KANSL3: variants seen among roughly 807,000 people sequenced by gnomAD.
KANSL3 encodes the protein KAT8 regulatory NSL complex subunit 3.
A neutral mutation model predicts 89.2 loss-of-function variants in KANSL3; 16 were observed. The observed-to-expected ratio is 0.18, with a 90% CI of 0.12 to 0.27. KANSL3 has a LOEUF of 0.27. KANSL3 is among the 10% of genes least tolerant of loss of function. The pLI, the probability that KANSL3 is intolerant of heterozygous loss-of-function variation, is 1.00. For missense variants in KANSL3, 879 were observed against 1,110.6 expected (o/e 0.79, Z 2.96); for synonymous variants, 385 against 419.7 (o/e 0.92, Z 1.01).
chr2:96,611,903 A>ATATATGTGTG (rs376030964), intron 9 of KANSL3, among the ~76,000 whole-genome samples: 2 of 113,328 alleles, frequency 1.8e-5, no homozygotes, highest in East Asian at 2.5e-4. Flanking sequence ...ATATACCCAT[A>ATATATGTGTG]TGTGTGTGTG....
rs1225615252 is a variant in KANSL3 at position 96,631,372 on chromosome 2, A to G, written c.326T>C (p.Phe109Ser). 6.2e-7 allele frequency: 1 copy of G among 1,612,700 alleles called. No individual in the cohort carries two copies. Among genetic ancestry groups the G allele is most frequent in the Non-Finnish European group, 8.5e-7 (1 of 1,179,370 alleles). The change falls in exon 3 of 21, where the codon TTT becomes TCT. Residue 109 changes from phenylalanine (F) to serine (S), a missense_variant. Transcript: ENST00000431828. ...AGGGGCATCTGCATCAGTCCTGGCA[A>G]AGATGACATGCCGTTCACACTCATT... is the stretch of plus-strand genomic sequence containing the variant. The part of the protein sequence containing the change: ...VMNECERHVI[F>S]ARTDADAPPP...
At chr2:96,620,186 A>G (rs2070989588) in intron 3 of KANSL3, among the ~76,000 whole-genome samples, 1 of 152,242 alleles carries the variant, frequency 6.6e-6, no homozygotes, top group South Asian at 2.1e-4. Context: ...ATCAGCAAGC[A>G]TTTTAATGTA....
chr2:96,636,720 C>A, intron 2 of KANSL3: 1 of 452,744 alleles, frequency 2.2e-6, no homozygotes, highest in Non-Finnish European at 3.9e-6. Context: ...GCACGTCTTG[C>A]TTTCCTAACT....
chr2:96,601,197 G>A, intron 20 of KANSL3: 1 of 496,674 alleles, frequency 2.0e-6, no homozygotes, highest in Non-Finnish European at 2.6e-6. Context: ...GAACCGGGGA[G>A]GTGGAGGTTG....
At chr2:96,620,985 A>G (rs1260207890) in intron 3 of KANSL3, among the ~76,000 whole-genome samples, 1 of 152,050 alleles carries the variant, frequency 6.6e-6, no homozygotes, top group Non-Finnish European at 1.5e-5. Context: ...CTTCAGTGAC[A>G]GTGAGGCCTT....
chr2:96,633,690 A>G (rs572370900), intron 2 of KANSL3, among the ~76,000 whole-genome samples: 6 of 152,100 alleles, frequency 3.9e-5, no homozygotes, highest in Non-Finnish European at 7.4e-5. Context: ...ACATGGTGAA[A>G]CCTCGTCTCT....
chr2:96,631,166 T>C lies in KANSL3; in HGVS notation c.386+146A>G, dbSNP rs556729946. 63 of 648,662 alleles carry C rather than the reference T, an allele frequency of 9.7e-5. 1 individual carries two copies. In the South Asian group the frequency reaches 1.1e-3, roughly 12 times the overall value. The allele number at this position is 648,662 out of a possible 1,614,324, so 40.2% of individuals were successfully genotyped here. ...CTCAAGGAGCTCACACACAGCATGG[T>C]GAACTGAGAGTTATAATGTGAGACT... On this transcript the variant is annotated intron_variant, in intron 3 of 20. Coordinates refer to ENST00000431828, the MANE Select transcript of KANSL3 (RefSeq NM_001115016.3).
chr2:96,583,273 C>T, the KANSL3 span, among the ~76,000 whole-genome samples: 10 of 152,262 alleles, frequency 6.6e-5, no homozygotes, highest in Non-Finnish European at 8.8e-5. Context: ...ATTACATGTG[C>T]ATGGAATGGT....
At chr2:96,621,795 A>C (rs974487775) in intron 3 of KANSL3, among the ~76,000 whole-genome samples, 1 of 152,224 alleles carries the variant, frequency 6.6e-6, no homozygotes, top group Non-Finnish European at 1.5e-5. Flanking sequence ...AAGGCAGGTC[A>C]CAAAAGAAGT....
rs1481581719 is a variant in KANSL3, at chr2:96,606,114, G to A, written c.1742-603C>T. 3 of 152,434 alleles carry A rather than the reference G, an allele frequency of 2.0e-5. No homozygotes were observed. The East Asian group carries it at 5.8e-4, about 29-fold the overall frequency. The allele number at this position is 152,434 out of a possible 1,614,324, so 9.4% of individuals were successfully genotyped here. ...AGGCAATGAAGAGGAGTGTCACCAG[G>A]ACTAAAAGCTGGCTATGAGTAGCTA... On this transcript the variant is annotated intron_variant, in intron 14 of 20. Coordinates refer to ENST00000431828, the MANE Select transcript of KANSL3 (RefSeq NM_001115016.3).
chr2:96,623,880 C>T (rs1012096583), intron 3 of KANSL3, among the ~76,000 whole-genome samples: 1 of 152,382 alleles, frequency 6.6e-6, no homozygotes, highest in East Asian at 1.9e-4. Context: ...TTCAGAAGCG[C>T]CCTCCATCTT....
At chr2:96,581,034 ACT>A in the KANSL3 span, among the ~76,000 whole-genome samples, 3 of 152,134 alleles carry the variant, frequency 2.0e-5, no homozygotes, top group Non-Finnish European at 4.4e-5. Context: ...AGCCCTGCAG[ACT>A]CTCTGTTTTG....
At chr2:96,596,089 T>C (rs1369558267) in intron 20 of KANSL3, among the ~76,000 whole-genome samples, 1 of 152,232 alleles carries the variant, frequency 6.6e-6, no homozygotes, top group Non-Finnish European at 1.5e-5. Context: ...AAGATTTCCG[T>C]GACTTCTGAT....
In KANSL3 at chr2:96,610,803, T is replaced by C. The variant is rs1403935678; in HGVS notation, c.1242A>G (p.Glu414=). The C allele has an allele frequency of 1.9e-6, 3 of 1,613,884 alleles. No individual in the cohort carries two copies. In the Admixed American group the frequency reaches 5.0e-5, roughly 27 times the overall value. Residue 414 remains glutamate (E), a synonymous_variant, in exon 11 of 21, where the codon GAA becomes GAG. Transcript: ENST00000431828. The part of the protein sequence containing the change: ...IGQNSLQCHP[E]AMEDFREKIR... ...TCTTCTCCCGGAAGTCCTCCATGGC[T>C]TCAGGGTGACATTGAAGGGAATTCT...
In KANSL3 at chr2:96,610,706, C is replaced by T. The variant is rs1396053284; in HGVS notation, c.1319+20G>A. ...ACACTGTAACACAGCTCTCTTGCAG[C>T]TCTGGGAGAATCCACCCACCTGAGA... On this transcript the variant is annotated intron_variant, in intron 11 of 20. Coordinates refer to ENST00000431828, the MANE Select transcript of KANSL3 (RefSeq NM_001115016.3). 5.0e-6 allele frequency: 8 copies of T among 1,612,738 alleles called. No individual in the cohort carries two copies. Among genetic ancestry groups the T allele is most frequent in the South Asian group, 1.1e-5 (1 of 91,014 alleles).
the KANSL3 span, among the ~76,000 whole-genome samples, chr2:96,580,642 T>G: frequency 6.6e-6 from 1 of 152,230 alleles, no homozygotes. Flanking sequence ...GTGTGTTGTT[T>G]GTGAAAATTC....
In KANSL3 at chr2:96,595,478, G is replaced by T; in HGVS notation, c.*133C>A. Reference sequence around the variant, plus strand: ...AATGGTTTCTCTGAAGACAGTTGGCGGAGAGGCAAAAATGACTGTCTTAAA... The same window carrying T: ...AATGGTTTCTCTGAAGACAGTTGGCTGAGAGGCAAAAATGACTGTCTTAAA... On this transcript the variant is annotated 3_prime_UTR_variant, in exon 21 of 21. Coordinates refer to ENST00000431828, the MANE Select transcript of KANSL3 (RefSeq NM_001115016.3). 1.2e-6 allele frequency: 1 copy of T among 823,922 alleles called. No homozygotes were observed. The allele number at this position is 823,922 out of a possible 1,614,324, so 51.0% of individuals were successfully genotyped here.
downstream of KANSL3, among the ~76,000 whole-genome samples, chr2:96,592,528 G>A (rs947620007): frequency 5.3e-5 from 8 of 152,110 alleles, no homozygotes; most frequent in Non-Finnish European, 8.8e-5. Context: ...AAAAGGTCAC[G>A]TGCAGGCCAA....
chr2:96,602,219 A>G lies in KANSL3; in HGVS notation c.2379T>C (p.Pro793=). 7 of 1,610,314 alleles carry G rather than the reference A, an allele frequency of 4.3e-6. No individual in the cohort carries two copies. Among genetic ancestry groups the G allele is most frequent in the Non-Finnish European group, 5.9e-6 (7 of 1,178,492 alleles). Residue 793 remains proline, a synonymous_variant, in exon 19 of 21, where the codon CCT becomes CCC. Transcript: ENST00000431828. ...ATTLSSLGAT[P]GGKPTAIHQL... is the part of the protein sequence containing the mutation. ...GGTGGATGGCTGTGGGCTTCCCACC[A>G]GGAGTGGCACCCAAGGAGGAGAGAG...
Sources: allele counts gnomAD v4.1 joint callset (sites outside exome capture counted in the v4.1 genomes callset), GRCh38; gene constraint gnomAD v4.1.1; transcripts MANE v1.5; gene names NCBI Gene and HGNC (gene_info 2026-07-23, HGNC 2026-07-21).